The following TACC3 variants were observed in gnomAD, a reference collection of about 807,000 sequenced individuals.
TACC3 encodes transforming acidic coiled-coil containing protein 3.
Under a neutral mutation model 86.0 loss-of-function variants are expected in TACC3, and 52 were observed. The observed-to-expected ratio is 0.60, with a 90% CI of 0.48 to 0.76. The LOEUF (loss-of-function observed/expected upper bound fraction) is 0.76, where lower values mean the gene tolerates loss of function less well. Ranked by LOEUF, TACC3 falls within the 30% of genes least tolerant of loss-of-function variation. The pLI, the probability that TACC3 is intolerant of heterozygous loss-of-function variation, is 0.00. For synonymous variants in TACC3, 512 were observed against 430.0 expected (o/e 1.19, Z -2.36); for missense variants, 1,120 against 1,070.4 (o/e 1.05, Z -0.65).
intron 13 of TACC3, among the ~76,000 whole-genome samples, chr4:1,743,089 C>T (rs1333800726): frequency 1.6e-4 from 24 of 151,326 alleles, no homozygotes; most frequent in South Asian, 2.1e-4. Flanking sequence ...TGGTGAAACC[C>T]TTTCTGTACT....
intron 13 of TACC3, among the ~76,000 whole-genome samples, chr4:1,743,998 C>G (rs2108724173): frequency 6.6e-6 from 1 of 152,224 alleles, no homozygotes; most frequent in Non-Finnish European, 1.5e-5. Context: ...GTAGGCTGAG[C>G]CTTCCCAAGC....
At chr4:1,720,801 G>C, upstream of TACC3, 2 of 1,595,262 alleles carry the variant, frequency 1.3e-6, no homozygotes, top group Non-Finnish European at 1.7e-6. This position sits in a 1 kb window ranked among gnomAD's most constrained non-coding sequence, Gnocchi z 4.4. Context: ...GCGAACACCA[G>C]ATAGGCGAGA....
chr4:1,728,187 G>A lies in TACC3; in HGVS notation c.785G>A (p.Gly262Glu), dbSNP rs757251304. 2 of 1,611,768 alleles carry A rather than the reference G, an allele frequency of 1.2e-6. No individual in the cohort carries two copies. The highest frequency in any genetic ancestry group is 1.3e-5 in the African/African-American group (1 of 75,034). The change falls in exon 4 of 16, where the codon GGA becomes GAA. Residue 262 changes from glycine to glutamate, a missense_variant. Gly to Glu is a moderately conservative substitution (Grantham distance 98). Transcript: ENST00000313288. ...GCAATCCCTAAGGAAGCCTGCGGAGGAGCACCCCTGCAGGGTCTGCCTGGC... is the reference window on the plus strand; with the variant it reads ...GCAATCCCTAAGGAAGCCTGCGGAGAAGCACCCCTGCAGGGTCTGCCTGGC... ...PGAIPKEACG[G>E]APLQGLPGEA...
rs376223566 is a variant in TACC3 at position 1,730,884 on chromosome 4, C to T, written c.1386-3C>T. On this transcript the variant is annotated splice_polypyrimidine_tract_variant and splice_region_variant and intron_variant, in intron 4 of 15. Transcript: ENST00000313288. ...TGGGCCTCTGCTGACTCTGTCTCCC[C>T]AGGCAGCTGCATTCAGCCTCAGCGG... The T allele has an allele frequency of 1.1e-5, 18 of 1,612,928 alleles. No individual in the cohort carries two copies. The African/African-American group carries it at 2.3e-4, about 20-fold the overall frequency.
rs1216928582 is a variant in TACC3, at chr4:1,727,794, A to C, written c.392A>C (p.Asp131Ala). 1 of 1,613,080 alleles carries C rather than the reference A, an allele frequency of 6.2e-7. No homozygotes were observed. The highest frequency in any genetic ancestry group is 8.5e-7 in the Non-Finnish European group (1 of 1,179,938). ...GAGGCTGACACCGACCTCCTGGGGG[A>C]TGCAAGCCCAGCCTTTGGGAGTGGC... ...PVEADTDLLG[D>A]ASPAFGSGSS... Residue 131 changes from aspartate (D) to alanine (A), a missense_variant, in exon 4 of 16, where the codon GAT becomes GCT. Physicochemically the swap from Asp to Ala is moderately radical, Grantham distance 126. Transcript: ENST00000313288.
chr4:1,740,534 G>A (rs980441498), intron 12 of TACC3: 27 of 352,560 alleles, frequency 7.7e-5, no homozygotes, highest in Non-Finnish European at 9.8e-5. Flanking sequence ...TCGCCATACC[G>A]GCTCCCAGGC....
Position 1,727,688 on chromosome 4 carries a change from G to A in TACC3, c.306-20G>A, listed in dbSNP as rs1717757262. The stretch of plus-strand genomic sequence containing the variant: ...CACCAGGTACTCGCTGCTTCACGTT[G>A]ATTAAGTCTCTTTTAAAAGCCAACA... On this transcript the variant is annotated intron_variant, in intron 3 of 15. Coordinates refer to ENST00000313288, the MANE Select transcript of TACC3 (RefSeq NM_006342.3). The A allele has an allele frequency of 6.4e-7, 1 of 1,555,844 alleles. No homozygotes were observed. Among genetic ancestry groups the A allele is most frequent in the Admixed American group, 1.9e-5 (1 of 52,746 alleles).
chr4:1,725,501 T>C (rs1434287481), intron 3 of TACC3, among the ~76,000 whole-genome samples: 4 of 152,200 alleles, frequency 2.6e-5, no homozygotes, highest in African/African-American at 9.6e-5. Context: ...AAACATTGGT[T>C]TACAACGACC....
rs1419767431 is a variant in TACC3 at position 1,731,290 on chromosome 4, A to AC, written c.1584dup (p.Ala529ArgfsTer2). ...GAGCTGAAAGAGGAGAGCTTCAGAG[A>AC]CCCCGCTGAGGGTACGTTGCCTGGC... On this transcript the variant is annotated frameshift_variant, in exon 6 of 16. Coordinates refer to ENST00000313288, the MANE Select transcript of TACC3 (RefSeq NM_006342.3). LOFTEE classifies it high-confidence loss of function. 1 of 1,612,866 alleles carries AC rather than the reference A, an allele frequency of 6.2e-7. No homozygotes were observed. The highest frequency in any genetic ancestry group is 8.5e-7 in the Non-Finnish European group (1 of 1,179,980).
intron 6 of TACC3, among the ~76,000 whole-genome samples, chr4:1,732,005 G>A (rs1718027868): frequency 6.6e-6 from 1 of 152,272 alleles, no homozygotes; most frequent in African/African-American, 2.4e-5. Flanking sequence ...CGGTTTGTCC[G>A]TAAGACTGGA....
rs752396975 is a variant in TACC3, at chr4:1,740,010, C to T, written c.2062+8C>T. 2 of 1,612,860 alleles carry T rather than the reference C, an allele frequency of 1.2e-6. No homozygotes were observed. The highest frequency in any genetic ancestry group is 1.7e-6 in the Non-Finnish European group (2 of 1,179,920). Reference sequence around the variant, plus strand: ...TTGTGTACCAGGCCATGGGTGAGTGCCCGGGCCACCGAGGCCACGTGCCTC... The same window carrying T: ...TTGTGTACCAGGCCATGGGTGAGTGTCCGGGCCACCGAGGCCACGTGCCTC... On this transcript the variant is annotated splice_region_variant and intron_variant, in intron 12 of 15. Transcript: ENST00000313288.
rs753766977 is a variant in TACC3, at chr4:1,730,910, A to G, written c.1409A>G (p.Glu470Gly). ...LSQQLHSASA[E>G]DTPVVQLAAE... ...AGGCAGCTGCATTCAGCCTCAGCGGAGGACACGCCTGTGGTGCAGTTGGCA... is the reference window on the plus strand; with the variant it reads ...AGGCAGCTGCATTCAGCCTCAGCGGGGGACACGCCTGTGGTGCAGTTGGCA... Residue 470 changes from glutamate to glycine, a missense_variant, in exon 5 of 16, where the codon GAG becomes GGG. By Grantham distance (98) the Glu-to-Gly change is moderately conservative (BLOSUM62 -2). Transcript: ENST00000313288. The G allele has an allele frequency of 1.2e-6, 2 of 1,613,352 alleles. No homozygotes were observed. The highest frequency in any genetic ancestry group is 2.2e-5 in the South Asian group (2 of 91,082).
intron 3 of TACC3, 56 bp downstream of exon 3, chr4:1,723,926 C>T (rs76574905): frequency 1.3e-6 from 2 of 1,581,664 alleles, no homozygotes; most frequent in Non-Finnish European, 8.6e-7. Flanking sequence ...TCCGATGGTT[C>T]TTGCAGGAAA....
upstream of TACC3, chr4:1,720,815 A>AT: frequency 6.3e-7 from 1 of 1,592,350 alleles, no homozygotes; most frequent in African/African-American, 1.3e-5. The surrounding 1 kb of genome is among the most constrained non-coding windows in gnomAD (Gnocchi z 4.4). Context: ...GGCGAGAGTG[A>AT]AGGTCACCTC....
At position 1,735,158 on chromosome 4, in the gene TACC3, GA is replaced by G; in HGVS notation, c.1592-112del. On this transcript the variant is annotated intron_variant, in intron 6 of 15. Coordinates refer to ENST00000313288, the MANE Select transcript of TACC3 (RefSeq NM_006342.3). The surrounding 1 kb of genome is among the most constrained non-coding windows in gnomAD (Gnocchi z 4.2). Reference sequence around the variant, plus strand: ...CCGAACATCCACACCTCCAAGGGAGGAAATACTGCTGGCTGGAATGATCCTG... The same window carrying G: ...CCGAACATCCACACCTCCAAGGGAGGAATACTGCTGGCTGGAATGATCCTG... 7.0e-7 allele frequency: 1 copy of G among 1,423,034 alleles called. No homozygotes were observed. The allele number at this position is 1,423,034 out of a possible 1,614,324, so 88.2% of individuals were successfully genotyped here. A position where few individuals can be genotyped will look rare whatever the true frequency, so the allele number is the denominator to read the frequency against.
chr4:1,741,285 G>T (rs1233649347), intron 13 of TACC3: 4 of 251,226 alleles, frequency 1.6e-5, no homozygotes. Context: ...GACAGCGCTG[G>T]TGCACCGGGG....
chr4:1,737,865 A>G (rs2305188), intron 10 of TACC3, 163 bp downstream of exon 10: 574,275 of 746,830 alleles, frequency 0.77, 223,763 homozygotes, highest in East Asian at 0.85. Context: ...GCCTGTCACT[A>G]CTGCCCAGGT....
chr4:1,733,973 TC>T lies in TACC3; in HGVS notation c.1592-1299del, dbSNP rs1350719069. Among the ~76,000 whole-genome samples the T allele has an allele frequency of 7.6e-4, 95 of 125,278 alleles. 1 individual carries two copies. The East Asian group carries it at 0.019, about 25-fold the overall frequency. 82.2% of individuals were successfully genotyped at this position (125,278 alleles called of 152,430 possible). ...ACCTGAGCAACAGAGCAAGACTCTG[TC>T]TCAAAAAAAAAAAAAAGAAAAGAAA... On this transcript the variant is annotated intron_variant, in intron 6 of 15. Coordinates refer to ENST00000313288, the MANE Select transcript of TACC3 (RefSeq NM_006342.3).
chr4:1,724,303 C>G (rs555890841), intron 3 of TACC3, among the ~76,000 whole-genome samples: 8 of 151,076 alleles, frequency 5.3e-5, no homozygotes, highest in South Asian at 2.1e-4. Context: ...GAAATCTGCA[C>G]TGAGTGTATG....
Sources: allele counts gnomAD v4.1 joint callset (sites outside exome capture counted in the v4.1 genomes callset), GRCh38; gene constraint gnomAD v4.1.1; non-coding constraint Gnocchi (gnomAD v3.1); transcripts MANE v1.5; gene names NCBI Gene and HGNC (gene_info 2026-07-23, HGNC 2026-07-21).